Variants in NDC80 observed in about 807,000 individuals in gnomAD.
NDC80 encodes NDC80 kinetochore complex component.
NDC80 carries 69 observed loss-of-function variants against 89.3 expected under a neutral mutation model. The ratio of observed to expected loss-of-function variants is 0.77; its 90% CI spans 0.64 to 0.94. NDC80 has a LOEUF of 0.94. Ranked by LOEUF, NDC80 falls within the 40% of genes least tolerant of loss-of-function variation. The pLI is 0.00. For synonymous variants in NDC80, 243 were observed against 255.6 expected, an observed-to-expected ratio of 0.95 and a Z score of 0.47; for missense variants, 593 against 739.6, an observed-to-expected ratio of 0.80 and a Z score of 2.30.
chr18:2,605,276 GTGTGTGTGTGTGT>G (rs1568010226), intron 13 of NDC80, among the ~76,000 whole-genome samples: 5 of 10,640 alleles, frequency 4.7e-4, no homozygotes, highest in Admixed American at 1.4e-3. Flanking sequence ...CTATATGTAT[GTGTGTGTGTGTGT>G]GTGTGTGTGT....
intron 13 of NDC80, among the ~76,000 whole-genome samples, chr18:2,604,088 T>A (rs953924565): frequency 6.6e-6 from 1 of 151,970 alleles, no homozygotes; most frequent in African/African-American, 2.4e-5. Context: ...TGAGTGCTTA[T>A]GTGCCTAGTA....
chr18:2,608,956 G>A (rs890826293), intron 15 of NDC80, 126 bp downstream of exon 15: 2 of 1,043,762 alleles, frequency 1.9e-6, no homozygotes, highest in African/African-American at 1.6e-5. Flanking sequence ...GGAAAGAATG[G>A]TATATAGAAC....
At chr18:2,612,374 C>T (rs1430069774) in intron 16 of NDC80, among the ~76,000 whole-genome samples, 1 of 145,978 alleles carries the variant, frequency 6.9e-6, no homozygotes, top group African/African-American at 2.6e-5. Context: ...ACTGCAAACT[C>T]GCCTCCCAGG....
At chr18:2,599,777 C>G (rs7229002) in intron 12 of NDC80, among the ~76,000 whole-genome samples, 223 of 151,956 alleles carry the variant, frequency 1.5e-3, no homozygotes, top group African/African-American at 5.1e-3. Context: ...TTTGAGTTGC[C>G]CCTAAAAATG....
intron 8 of NDC80, among the ~76,000 whole-genome samples, chr18:2,588,899 G>A (rs2072614095): frequency 6.6e-6 from 1 of 152,066 alleles, no homozygotes; most frequent in South Asian, 2.1e-4. Context: ...GTAATGAATA[G>A]GATAAAAACC....
intron 14 of NDC80, among the ~76,000 whole-genome samples, chr18:2,607,999 A>AT (rs2072723863): frequency 2.5e-4 from 24 of 96,150 alleles, no homozygotes; most frequent in South Asian, 1.7e-3. Context: ...ATATATATAT[A>AT]ACTTATTTAG....
intron 11 of NDC80, among the ~76,000 whole-genome samples, chr18:2,596,412 A>C (rs1417375714): frequency 1.3e-5 from 2 of 151,518 alleles, no homozygotes; most frequent in Non-Finnish European, 2.9e-5. Flanking sequence ...GCAGCCAAAA[A>C]ACACATGAAA....
intron 10 of NDC80, among the ~76,000 whole-genome samples, chr18:2,593,013 G>GGTGTGTGT (rs56851912): frequency 0.026 from 2,777 of 108,396 alleles, 78 homozygotes; most frequent in East Asian, 0.086. Flanking sequence ...AATAAACTCT[G>GGTGTGTGT]GTGTGTGTGT....
At chr18:2,599,262 T>A in intron 12 of NDC80, 91 bp downstream of exon 12, 2 of 980,138 alleles carry the variant, frequency 2.0e-6, no homozygotes, top group South Asian at 2.4e-5. Context: ...AACCCAGTAC[T>A]AAACAAAGGA....
chr18:2,572,432 A>G (rs1203237621), intron 1 of NDC80, among the ~76,000 whole-genome samples: 1 of 152,190 alleles, frequency 6.6e-6, no homozygotes, highest in East Asian at 1.9e-4. Context: ...TCCTTGTTGA[A>G]GGGGAGATTG....
Position 2,585,099 on chromosome 18 carries a change from T to A in NDC80, c.580-14T>A. 6.2e-7 allele frequency: 1 copy of A among 1,601,610 alleles called. No homozygotes were observed. The highest frequency in any genetic ancestry group is 8.5e-7 in the Non-Finnish European group (1 of 1,169,622). On this transcript the variant is annotated splice_polypyrimidine_tract_variant and intron_variant, in intron 6 of 16. Transcript: ENST00000261597. ...TTCAGATCAACTTGCTTTTCTTGCT[T>A]GTGTACTAATTAGATACATACTGCC...
chr18:2,611,474 A>C (rs895393975), intron 16 of NDC80, among the ~76,000 whole-genome samples: 16 of 152,248 alleles, frequency 1.1e-4, no homozygotes, highest in African/African-American at 3.9e-4. Context: ...ACATATTAGT[A>C]CATTTGAAAA....
intron 7 of NDC80, among the ~76,000 whole-genome samples, chr18:2,585,530 G>A (rs139622853): frequency 5.2e-4 from 79 of 152,236 alleles, no homozygotes; most frequent in Non-Finnish European, 8.8e-4. Flanking sequence ...AAGGTTGTAT[G>A]GATACTTGAA....
At chr18:2,588,115 A>G (rs1471445653) in intron 8 of NDC80, among the ~76,000 whole-genome samples, 192 bp downstream of exon 8, 1 of 152,200 alleles carries the variant, frequency 6.6e-6, no homozygotes, top group Non-Finnish European at 1.5e-5. Context: ...TGTTGGAGCC[A>G]GACCTGAGCC....
At chr18:2,610,936 A>G in intron 16 of NDC80, 75 bp downstream of exon 16, 2 of 892,992 alleles carry the variant, frequency 2.2e-6, no homozygotes, top group South Asian at 6.9e-5. Flanking sequence ...TTTCTTCCAT[A>G]TAAATTAAAT....
chr18:2,574,899 G>C (rs1216952898), intron 2 of NDC80, 90 bp from the exon 3 acceptor site: 1 of 773,848 alleles, frequency 1.3e-6, no homozygotes, highest in East Asian at 2.7e-5. Context: ...AGCTAGTGGG[G>C]AAGAGTTGTT....
intron 12 of NDC80, 29 bp from the exon 13 acceptor site, chr18:2,601,367 T>G: frequency 1.8e-6 from 2 of 1,115,844 alleles, no homozygotes; most frequent in Non-Finnish European, 2.6e-6. Flanking sequence ...AAATGTTATA[T>G]GTCACCCACA....
intron 13 of NDC80, among the ~76,000 whole-genome samples, chr18:2,606,117 A>G (rs1233697108): frequency 1.3e-5 from 2 of 151,292 alleles, no homozygotes; most frequent in African/African-American, 4.8e-5. Context: ...TTATTTATAT[A>G]TGAATAAATT....
chr18:2,614,910 A>T (rs527272722), intron 16 of NDC80: 1 of 152,294 alleles, frequency 6.6e-6, no homozygotes, highest in South Asian at 2.1e-4. Flanking sequence ...GTAGGCCCTA[A>T]ATCTAGTGAC....
Sources: gnomAD v4.1 joint callset for allele counts (sites outside exome capture counted in the v4.1 genomes callset) on GRCh38, gnomAD v4.1.1 for gene constraint, MANE v1.5 for transcripts, NCBI Gene and HGNC (gene_info 2026-07-23, HGNC 2026-07-21) for gene names.